Variants in NTM observed in about 807,000 individuals in gnomAD.
NTM encodes neurotrimin.
NTM carries 13 observed loss-of-function variants against 42.1 expected under a neutral mutation model. The ratio of observed to expected loss-of-function variants is 0.31; its 90% confidence interval spans 0.20 to 0.49. NTM has a LOEUF of 0.49. Among genes scored for constraint, NTM ranks in the 20% least tolerant of loss-of-function variants. The pLI is 0.99. For synonymous variants in NTM, 187 were observed against 179.2 expected (o/e 1.04, Z -0.35); for missense variants, 373 against 452.8 (o/e 0.82, Z 1.60).
intron 1 of NTM, among the ~76,000 whole-genome samples, chr11:131,872,121 A>G (rs1248282087): frequency 6.6e-6 from 1 of 152,174 alleles, no homozygotes; most frequent in Non-Finnish European, 1.5e-5. Flanking sequence ...ACTGGGTACA[A>G]TTCCACCAAA....
intron 1 of NTM, among the ~76,000 whole-genome samples, chr11:131,408,070 C>T (rs1246730018): frequency 2.0e-5 from 3 of 152,190 alleles, no homozygotes; most frequent in African/African-American, 7.2e-5. Flanking sequence ...GATTAATGTG[C>T]AATGCCTCAG....
intron 4 of NTM, among the ~76,000 whole-genome samples, chr11:132,243,383 G>A (rs575260710): frequency 1.3e-4 from 20 of 152,214 alleles, no homozygotes; most frequent in Admixed American, 1.3e-4. Context: ...AGGCTATTTC[G>A]CATTATTGGG....
intron 1 of NTM, among the ~76,000 whole-genome samples, chr11:131,578,995 T>G (rs2058165092): frequency 6.6e-6 from 1 of 152,142 alleles, no homozygotes; most frequent in Non-Finnish European, 1.5e-5. Context: ...GAAACCGGAC[T>G]TGGGGACTAA....
intron 1 of NTM, among the ~76,000 whole-genome samples, chr11:131,742,531 G>T (rs1330058032): frequency 6.6e-6 from 1 of 151,950 alleles, no homozygotes; most frequent in Non-Finnish European, 1.5e-5. Flanking sequence ...TTTTCTATTG[G>T]ACTGGAAAAA....
chr11:131,966,623 A>T, intron 2 of NTM, among the ~76,000 whole-genome samples: 1 of 152,198 alleles, frequency 6.6e-6, no homozygotes, highest in East Asian at 1.9e-4. Flanking sequence ...ACCTGAAGAC[A>T]GAAGTGGACC....
chr11:132,336,612 T>G lies in NTM; in HGVS notation c.*1466T>G, dbSNP rs987104155. 6.6e-6 allele frequency: 1 copy of G among 152,648 alleles called. No homozygotes were observed. Among genetic ancestry groups the G allele is most frequent in the Admixed American group, 6.5e-5 (1 of 15,286 alleles). The allele number at this position is 152,648 out of a possible 1,614,324, so 9.5% of individuals were successfully genotyped here. A position where few individuals can be genotyped will look rare whatever the true frequency, so the allele number is the denominator to read the frequency against. On this transcript the variant is annotated 3_prime_UTR_variant, in exon 9 of 9. Transcript: ENST00000683400. ...AGAGTTTAATCCTCTTGGTTTATTT[T>G]ATTTCCCACCTTTGTGTGAGTGTGT...
At chr11:131,570,739 CTTGA>C (rs2057369949) in intron 1 of NTM, among the ~76,000 whole-genome samples, 1 of 152,226 alleles carries the variant, frequency 6.6e-6, no homozygotes, top group African/African-American at 2.4e-5. Context: ...ACGAGAATCA[CTTGA>C]ACCCAGGAGG....
chr11:131,522,649 T>C (rs2049913061), intron 1 of NTM, among the ~76,000 whole-genome samples: 1 of 152,214 alleles, frequency 6.6e-6, no homozygotes, highest in Non-Finnish European at 1.5e-5. Flanking sequence ...TTGGAAGAAC[T>C]GGGATTATTT....
intron 1 of NTM, among the ~76,000 whole-genome samples, chr11:131,786,350 G>T (rs1272756423): frequency 6.6e-6 from 1 of 152,140 alleles, no homozygotes; most frequent in Non-Finnish European, 1.5e-5. Context: ...TGTGCATTGG[G>T]GTTATATCTG....
intron 2 of NTM, among the ~76,000 whole-genome samples, chr11:131,919,182 G>A (rs2056868462): frequency 6.6e-6 from 1 of 151,276 alleles, no homozygotes; most frequent in Non-Finnish European, 1.5e-5. Context: ...GATAATTAAT[G>A]GTAATGGCAT....
chr11:131,914,478 G>A (rs771119122), intron 2 of NTM, among the ~76,000 whole-genome samples: 1 of 152,326 alleles, frequency 6.6e-6, no homozygotes, highest in South Asian at 2.1e-4. Context: ...ATAACCAGCA[G>A]AGGACTTTTT....
chr11:131,707,315 G>A (rs376329760), intron 1 of NTM, among the ~76,000 whole-genome samples: 12 of 151,930 alleles, frequency 7.9e-5, no homozygotes, highest in Admixed American at 2.0e-4. Flanking sequence ...ATATTGTTAC[G>A]AATGAAGAAT....
At chr11:131,589,054 G>A (rs968439027) in intron 1 of NTM, among the ~76,000 whole-genome samples, 3 of 152,164 alleles carry the variant, frequency 2.0e-5, no homozygotes, top group African/African-American at 7.2e-5. Context: ...CGTCCTGTAG[G>A]TTGTGGGTGG....
intron 1 of NTM, among the ~76,000 whole-genome samples, chr11:131,524,083 T>C (rs888776220): frequency 6.6e-6 from 1 of 152,222 alleles, no homozygotes; most frequent in Admixed American, 6.5e-5. Context: ...ATGGGGAATT[T>C]GGGCAGAACT....
intron 2 of NTM, among the ~76,000 whole-genome samples, chr11:132,125,334 G>A (rs1012720342): frequency 1.3e-4 from 18 of 142,308 alleles, no homozygotes; most frequent in Non-Finnish European, 1.8e-4. Context: ...GTGGTGTGTG[G>A]TGTGGTATGT....
chr11:131,935,457 C>A (rs1325952437), intron 2 of NTM, among the ~76,000 whole-genome samples: 1 of 152,100 alleles, frequency 6.6e-6, no homozygotes, highest in Non-Finnish European at 1.5e-5. Context: ...AATATTTGTC[C>A]TAAAAACCAG....
intron 1 of NTM, among the ~76,000 whole-genome samples, chr11:131,781,440 C>A (rs1181006527): frequency 1.3e-5 from 2 of 151,246 alleles, no homozygotes; most frequent in African/African-American, 4.9e-5. Context: ...TCAGGAAACA[C>A]CAGGTGAAAT....
At chr11:132,217,355 T>TG (rs777352066) in intron 4 of NTM, among the ~76,000 whole-genome samples, 38,632 of 136,308 alleles carry the variant, frequency 0.28, 5,330 homozygotes, top group Middle Eastern at 0.43. Context: ...TCTCTCTCTC[T>TG]TTCTGTGTGT....
At chr11:132,098,588 C>T (rs7932473) in intron 2 of NTM, among the ~76,000 whole-genome samples, 109,925 of 152,242 alleles carry the variant, frequency 0.72, 40,843 homozygotes, top group African/African-American at 0.86. Context: ...ATGCCAATGT[C>T]TTAGCTTTGC....
Sources: allele counts gnomAD v4.1 joint callset (sites outside exome capture counted in the v4.1 genomes callset), GRCh38; gene constraint gnomAD v4.1.1; transcripts MANE v1.5; gene names NCBI Gene and HGNC (gene_info 2026-07-23, HGNC 2026-07-21).